Variants in SNTG2 observed in about 807,000 individuals in gnomAD.
SNTG2 encodes the protein gamma-2-syntrophin.
SNTG2 carries 74 observed loss-of-function variants against 70.9 expected under a neutral mutation model. That is an observed-to-expected ratio of 1.04 (90% CI 0.86 to 1.27). The LOEUF (loss-of-function observed/expected upper bound fraction) is 1.27. Ranked by LOEUF, SNTG2 falls within the 50% of genes most tolerant of loss-of-function variation. The probability of loss-of-function intolerance (pLI) is 0.00; values close to 1 mark genes in which losing one functional copy is unlikely to be tolerated. For missense variants in SNTG2, 717 were observed against 690.7 expected (o/e 1.04, Z -0.43); for synonymous variants, 278 against 273.8 (o/e 1.02, Z -0.15).
intron 4 of SNTG2, among the ~76,000 whole-genome samples, chr2:1,127,166 C>T (rs1667745793): frequency 6.6e-6 from 1 of 151,516 alleles, no homozygotes; most frequent in Admixed American, 6.6e-5. Context: ...GTCCAGTTTC[C>T]TTCTTCTGCA....
At chr2:1,188,371 A>G (rs1461687947) in intron 8 of SNTG2, among the ~76,000 whole-genome samples, 5 of 152,192 alleles carry the variant, frequency 3.3e-5, no homozygotes, top group Non-Finnish European at 7.3e-5. Context: ...GGTAGAGTTG[A>G]ATATAAATAC....
At chr2:1,100,535 A>G (rs927253497) in intron 4 of SNTG2, among the ~76,000 whole-genome samples, 1 of 152,194 alleles carries the variant, frequency 6.6e-6, no homozygotes, top group Non-Finnish European at 1.5e-5. Context: ...CAAGTGTTAT[A>G]ATGGCGGTGT....
chr2:1,188,362 G>T (rs1672374505), intron 8 of SNTG2, among the ~76,000 whole-genome samples: 1 of 151,904 alleles, frequency 6.6e-6, no homozygotes, highest in African/African-American at 2.4e-5. Flanking sequence ...AGATAAGAAG[G>T]TAGAGTTGAA....
intron 1 of SNTG2, among the ~76,000 whole-genome samples, chr2:967,367 C>CT (rs1165755238): frequency 7.2e-5 from 11 of 151,928 alleles, no homozygotes; most frequent in Admixed American, 1.3e-4. Context: ...TTTAGAGATG[C>CT]TTTTTTTTGG....
chr2:1,066,665 G>T (rs2148125891), intron 1 of SNTG2, among the ~76,000 whole-genome samples: 1 of 152,274 alleles, frequency 6.6e-6, no homozygotes, highest in Non-Finnish European at 1.5e-5. Context: ...ATCTGATTGA[G>T]AAATGGTTCA....
chr2:1,171,010 T>C (rs976420551), intron 7 of SNTG2, among the ~76,000 whole-genome samples: 4 of 152,170 alleles, frequency 2.6e-5, no homozygotes, highest in Non-Finnish European at 5.9e-5. Flanking sequence ...TAGGTTAGGG[T>C]TAATTTTTTT....
At chr2:1,359,035 G>T (rs1373947223) in intron 16 of SNTG2, among the ~76,000 whole-genome samples, 1 of 152,064 alleles carries the variant, frequency 6.6e-6, no homozygotes, top group African/African-American at 2.4e-5. Flanking sequence ...AAATGCTTTG[G>T]AACAGAAGTA....
intron 9 of SNTG2, among the ~76,000 whole-genome samples, chr2:1,221,793 G>GTC (rs1553361475): frequency 0.018 from 18 of 974 alleles, no homozygotes; most frequent in South Asian, 0.05. Context: ...CTCTGTCTCT[G>GTC]TCTGTCTCTG....
At chr2:1,324,921 T>C (rs1457347183) in intron 16 of SNTG2, among the ~76,000 whole-genome samples, 1 of 152,206 alleles carries the variant, frequency 6.6e-6, no homozygotes, top group African/African-American at 2.4e-5. Flanking sequence ...CTGTATGAAT[T>C]GGGTGAATTC....
At chr2:961,128 T>C (rs1203301322) in intron 1 of SNTG2, among the ~76,000 whole-genome samples, 1 of 152,266 alleles carries the variant, frequency 6.6e-6, no homozygotes, top group Non-Finnish European at 1.5e-5. Flanking sequence ...ATTGTCATGG[T>C]AAATAAAACC....
intron 4 of SNTG2, among the ~76,000 whole-genome samples, chr2:1,111,489 C>T (rs1254112044): frequency 6.6e-6 from 1 of 152,212 alleles, no homozygotes; most frequent in African/African-American, 2.4e-5. Flanking sequence ...GCCTGAAGAA[C>T]AAATCCTTCG....
intron 2 of SNTG2, among the ~76,000 whole-genome samples, chr2:1,084,112 G>A (rs1453779861): frequency 6.6e-6 from 1 of 152,136 alleles, no homozygotes; most frequent in Non-Finnish European, 1.5e-5. Flanking sequence ...TGTTTTCAGT[G>A]TGTTTTTGAA....
At chr2:955,223 A>G (rs1660103347) in intron 1 of SNTG2, among the ~76,000 whole-genome samples, 1 of 152,208 alleles carries the variant, frequency 6.6e-6, no homozygotes, top group Non-Finnish European at 1.5e-5. Context: ...ATTTTGCAAT[A>G]ATCCGCATTA....
chr2:962,673 T>C (rs1243175140), intron 1 of SNTG2, among the ~76,000 whole-genome samples: 1 of 152,158 alleles, frequency 6.6e-6, no homozygotes, highest in East Asian at 1.9e-4. Context: ...TTGAAATAAA[T>C]AGAAAAATAA....
At chr2:1,078,029 C>T (rs1384177323) in intron 1 of SNTG2, among the ~76,000 whole-genome samples, 1 of 152,174 alleles carries the variant, frequency 6.6e-6, no homozygotes, top group Non-Finnish European at 1.5e-5. Context: ...TTCTCTGCAG[C>T]TGTCTTATTT....
chr2:1,023,899 G>T (rs755812844), intron 1 of SNTG2, among the ~76,000 whole-genome samples: 51 of 152,340 alleles, frequency 3.3e-4, no homozygotes, highest in Admixed American at 3.9e-4. Flanking sequence ...ACACCTGAAA[G>T]CTTTCCACGG....
chr2:1,071,221 A>T (rs1315778671), intron 1 of SNTG2, among the ~76,000 whole-genome samples: 1 of 151,810 alleles, frequency 6.6e-6, no homozygotes, highest in African/African-American at 2.4e-5. Flanking sequence ...TTGCGGCATT[A>T]CTCACAATAG....
At chr2:1,288,600 CACAT>C (rs1324223480) in intron 14 of SNTG2, among the ~76,000 whole-genome samples, 3 of 152,094 alleles carry the variant, frequency 2.0e-5, no homozygotes, top group Admixed American at 6.5e-5. Context: ...TACATGAACA[CACAT>C]ACATAAGCAT....
intron 1 of SNTG2, among the ~76,000 whole-genome samples, chr2:1,024,179 T>C (rs1291593637): frequency 6.6e-6 from 1 of 151,940 alleles, no homozygotes; most frequent in Non-Finnish European, 1.5e-5. Flanking sequence ...GGGCCACAGA[T>C]TGAAAATGAA....
Sources: gnomAD v4.1 joint callset for allele counts (sites outside exome capture counted in the v4.1 genomes callset) on GRCh38, gnomAD v4.1.1 for gene constraint, MANE v1.5 for transcripts, NCBI Gene and HGNC (gene_info 2026-07-23, HGNC 2026-07-21) for gene names.